PFKFB3: variants seen among roughly 807,000 people sequenced by gnomAD.
PFKFB3 encodes 6-phosphofructo-2-kinase/fructose-2,6-biphosphatase 3, also known as 6-phosphofructo-2-kinase/fructose-2,6-bisphosphatase 3.
In PFKFB3, 33 loss-of-function variants were observed where a neutral mutation model predicts 68.0. That is an observed-to-expected ratio of 0.49 (90% confidence interval 0.37 to 0.65). The LOEUF (loss-of-function observed/expected upper bound fraction) is 0.65, where lower values mean the gene tolerates loss of function less well. Ranked by LOEUF, PFKFB3 falls within the 30% of genes least tolerant of loss-of-function variation. PFKFB3 has a pLI of 0.00. For missense variants in PFKFB3, 586 were observed against 712.2 expected, an observed-to-expected ratio of 0.82 and a Z score of 2.02; for synonymous variants, 315 against 288.2, an observed-to-expected ratio of 1.09 and a Z score of -0.94.
chr10:6,259,815 C>T, the PFKFB3 span, among the ~76,000 whole-genome samples: 1 of 152,354 alleles, frequency 6.6e-6, no homozygotes, highest in South Asian at 2.1e-4. Flanking sequence ...TAAGTCCTCT[C>T]ATTAGAGTTT....
intron 1 of PFKFB3, among the ~76,000 whole-genome samples, chr10:6,180,612 G>A (rs1842686330): frequency 6.6e-6 from 1 of 152,078 alleles, no homozygotes; most frequent in African/African-American, 2.4e-5. Flanking sequence ...CTACAGGTGT[G>A]CTTCACCACA....
intron 7 of PFKFB3, 82 bp downstream of exon 7, chr10:6,219,775 T>G: frequency 6.7e-7 from 1 of 1,499,348 alleles, no homozygotes; most frequent in Non-Finnish European, 9.1e-7. Context: ...AAGGATTTGC[T>G]CCTGGATACC....
intron 1 of PFKFB3, among the ~76,000 whole-genome samples, chr10:6,190,841 C>A (rs571071160): frequency 4.6e-5 from 7 of 152,216 alleles, no homozygotes; most frequent in African/African-American, 1.7e-4. Context: ...TGCAGTGGTG[C>A]GATCTTGGCT....
chr10:6,265,388 G>A, the PFKFB3 span, among the ~76,000 whole-genome samples: 1 of 151,840 alleles, frequency 6.6e-6, no homozygotes, highest in South Asian at 2.1e-4. Context: ...ACCTAATTTG[G>A]TATAGTTTCT....
At chr10:6,202,555 T>C (rs1175840489), upstream of PFKFB3, 1 of 152,294 alleles carries the variant, frequency 6.6e-6, no homozygotes, top group Non-Finnish European at 1.5e-5. Context: ...GGGATTCGGC[T>C]GCGGGGTCCA....
At chr10:6,172,264 A>G (rs1588417346) in intron 1 of PFKFB3, among the ~76,000 whole-genome samples, 1 of 152,212 alleles carries the variant, frequency 6.6e-6, no homozygotes, top group East Asian at 1.9e-4. Context: ...TGAGAGAAGC[A>G]TGCTCCTTTG....
At chr10:6,167,005 T>A (rs1842163171) in intron 1 of PFKFB3, among the ~76,000 whole-genome samples, 1 of 152,086 alleles carries the variant, frequency 6.6e-6, no homozygotes, top group African/African-American at 2.4e-5. Flanking sequence ...AATTTTGTAT[T>A]TTCAGTGGAG....
chr10:6,231,609 A>G, intron 14 of PFKFB3: 1 of 984,512 alleles, frequency 1.0e-6, no homozygotes, highest in Non-Finnish European at 1.2e-6. Flanking sequence ...TGTTGAGGAC[A>G]GGTTGGAGCC....
chr10:6,315,296 C>G, the PFKFB3 span, among the ~76,000 whole-genome samples: 1 of 152,168 alleles, frequency 6.6e-6, no homozygotes, highest in Non-Finnish European at 1.5e-5. Context: ...GAAAAAGGTC[C>G]AGATCCAGAC....
At chr10:6,302,633 G>A in the PFKFB3 span, among the ~76,000 whole-genome samples, 1 of 151,064 alleles carries the variant, frequency 6.6e-6, no homozygotes, top group Admixed American at 6.6e-5. Context: ...CACCTGCCTC[G>A]GCCTCCCAAA....
intron 14 of PFKFB3, among the ~76,000 whole-genome samples, chr10:6,242,412 C>T (rs55724415): frequency 1.8e-3 from 277 of 152,288 alleles, no homozygotes; most frequent in Middle Eastern, 6.8e-3. Context: ...CCAGGGTACA[C>T]CATCACCCCT....
intron 1 of PFKFB3, among the ~76,000 whole-genome samples, chr10:6,209,768 T>TTC (rs200397076): frequency 0.013 from 1,891 of 145,730 alleles, 73 homozygotes; most frequent in East Asian, 0.13. Flanking sequence ...ACCTTTTCTT[T>TTC]TTTTTTTTTT....
chr10:6,206,830 T>A (rs1461610754), intron 1 of PFKFB3, among the ~76,000 whole-genome samples: 7 of 12,770 alleles, frequency 5.5e-4, no homozygotes, highest in African/African-American at 2.4e-3. Flanking sequence ...CGCTCCTCAC[T>A]TCCCAGACGG....
chr10:6,230,460 TA>T (rs1845667835), intron 14 of PFKFB3, among the ~76,000 whole-genome samples: 1 of 152,180 alleles, frequency 6.6e-6, no homozygotes, highest in South Asian at 2.1e-4. Flanking sequence ...AATAACTTCA[TA>T]AAGTTGTCAT....
rs76962323 is a variant in PFKFB3, at chr10:6,227,324, C to A, written c.1515+959C>A. Among the ~76,000 whole-genome samples the A allele has an allele frequency of 4.1e-3, 620 of 152,308 alleles. 5 individuals carry two copies. The highest frequency in any genetic ancestry group is 5.6e-3 in the Non-Finnish European group (379 of 68,024). ...GTCTGCCCTACCTCCACCCTCCAGG[C>A]CTGCCCCCACAAATCAGCCCAGTGC... is the stretch of plus-strand genomic sequence containing the variant. On this transcript the variant is annotated intron_variant, in intron 14 of 14. Transcript: ENST00000379775.
chr10:6,216,047 G>A, intron 3 of PFKFB3, 78 bp from the exon 4 acceptor site: 1 of 1,222,808 alleles, frequency 8.2e-7, no homozygotes, highest in Non-Finnish European at 1.2e-6. Context: ...CTGCTTGTCG[G>A]GGCGTGTCGG....
rs1040115433 is a variant in PFKFB3 at position 6,234,527 on chromosome 10, C to T, written c.*1585C>T. 6.6e-5 allele frequency: 10 copies of T among 152,308 alleles called. No homozygotes were observed. Among genetic ancestry groups the T allele is most frequent in the Non-Finnish European group, 4.4e-5 (3 of 68,066 alleles). 9.4% of individuals were successfully genotyped at this position (152,308 alleles called of 1,614,324 possible). The stretch of plus-strand genomic sequence containing the variant: ...CCATTCAAGCCCTCCCCGCCCGTTG[C>T]ACCCACTTTGGCTGGCGTCTGCTGG... On this transcript the variant is annotated 3_prime_UTR_variant, in exon 15 of 15. Coordinates refer to ENST00000379775, the MANE Select transcript of PFKFB3 (RefSeq NM_004566.4).
At chr10:6,222,247 G>A (rs1386305515) in intron 10 of PFKFB3, among the ~76,000 whole-genome samples, 2 of 152,220 alleles carry the variant, frequency 1.3e-5, no homozygotes, top group African/African-American at 4.8e-5. Flanking sequence ...ACACACCGGG[G>A]CCCTGGTTAG....
At chr10:6,283,258 G>A in the PFKFB3 span, among the ~76,000 whole-genome samples, 25 of 152,276 alleles carry the variant, frequency 1.6e-4, no homozygotes, top group East Asian at 3.5e-3. Context: ...GTGAGCCACC[G>A]CGCCCAGCCA....
Sources: gnomAD v4.1 joint callset for allele counts (sites outside exome capture counted in the v4.1 genomes callset) on GRCh38, gnomAD v4.1.1 for gene constraint, MANE v1.5 for transcripts, NCBI Gene and HGNC (gene_info 2026-07-23, HGNC 2026-07-21) for gene names.